NR6A1: variants seen among roughly 807,000 people sequenced by gnomAD.
NR6A1 encodes nuclear receptor subfamily 6 group A member 1.
Under a neutral mutation model 59.1 loss-of-function variants are expected in NR6A1, and 7 were observed. The ratio of observed to expected loss-of-function variants is 0.12; its 90% CI spans 0.07 to 0.22. NR6A1 has a LOEUF of 0.22. NR6A1 is among the 10% of genes least tolerant of loss of function. The probability of loss-of-function intolerance (pLI) is 1.00; values close to 1 mark genes in which losing one functional copy is unlikely to be tolerated. For missense variants in NR6A1, 468 were observed against 611.6 expected (o/e 0.77, Z 2.48); for synonymous variants, 243 against 236.1 (o/e 1.03, Z -0.27).
At chr9:124,548,041 C>T (rs1833652326) in intron 3 of NR6A1, among the ~76,000 whole-genome samples, 1 of 149,136 alleles carries the variant, frequency 6.7e-6, no homozygotes, top group South Asian at 2.1e-4. Context: ...CTATGCCTCA[C>T]TCTCAAATGG....
intron 2 of NR6A1, among the ~76,000 whole-genome samples, chr9:124,643,353 C>T (rs4836984): frequency 0.47 from 71,330 of 151,602 alleles, 17,091 homozygotes; most frequent in Admixed American, 0.59. Flanking sequence ...GTAATCCCAG[C>T]ACTCTGAGAG....
intron 2 of NR6A1, among the ~76,000 whole-genome samples, chr9:124,601,476 C>CG (rs1472827933): frequency 2.1e-5 from 3 of 146,000 alleles, no homozygotes; most frequent in East Asian, 4.1e-4. Context: ...CCCAGCTACT[C>CG]GGGGGGCTGA....
chr9:124,633,791 C>A (rs1836516322), intron 2 of NR6A1, among the ~76,000 whole-genome samples: 1 of 152,240 alleles, frequency 6.6e-6, no homozygotes, highest in Non-Finnish European at 1.5e-5. Context: ...ATTAAAGAAA[C>A]TGCACGCATG....
chr9:124,642,426 CAT>C (rs1026697613), intron 2 of NR6A1, among the ~76,000 whole-genome samples: 3 of 152,198 alleles, frequency 2.0e-5, no homozygotes, highest in Non-Finnish European at 2.9e-5. Context: ...AACAAAATAA[CAT>C]ATGAAATGCT....
At position 124,714,977 on chromosome 9, in the gene NR6A1, T is replaced by A. The variant is rs554862507; in HGVS notation, c.142+18331A>T. ...CACTTTCGGAGGCCGAGGCGGGCAGTTCACAAGGTCAAGAGATCGACACCA... is the reference window on the plus strand; with the variant it reads ...CACTTTCGGAGGCCGAGGCGGGCAGATCACAAGGTCAAGAGATCGACACCA... On this transcript the variant is annotated intron_variant, in intron 2 of 9. Transcript: ENST00000487099. Among the ~76,000 whole-genome samples, 91 of 151,958 alleles carry A rather than the reference T, an allele frequency of 6.0e-4. 1 individual carries two copies. In the South Asian group the frequency reaches 0.018, roughly 30 times the overall value.
intron 2 of NR6A1, among the ~76,000 whole-genome samples, chr9:124,730,555 CTTTTT>C (rs56330244): frequency 8.1e-6 from 1 of 123,142 alleles, no homozygotes; most frequent in Admixed American, 8.5e-5. Flanking sequence ...ATTTTTTAGT[CTTTTT>C]TTTTTTTTTT....
At chr9:124,619,816 C>A (rs182543387) in intron 2 of NR6A1, among the ~76,000 whole-genome samples, 1 of 152,070 alleles carries the variant, frequency 6.6e-6, no homozygotes, top group African/African-American at 2.4e-5. Context: ...AATCCCAGCA[C>A]TTTGGGAGGC....
intron 2 of NR6A1, among the ~76,000 whole-genome samples, chr9:124,589,168 C>G (rs1367402831): frequency 6.6e-6 from 1 of 152,108 alleles, no homozygotes; most frequent in East Asian, 1.9e-4. Flanking sequence ...CAAAAACAGG[C>G]CAGGCCGGTG....
At chr9:124,686,443 T>C (rs1838332160) in intron 2 of NR6A1, among the ~76,000 whole-genome samples, 1 of 152,254 alleles carries the variant, frequency 6.6e-6, no homozygotes, top group Non-Finnish European at 1.5e-5. Context: ...TTTCCATGAA[T>C]ATCACCTACT....
At chr9:124,543,766 C>A in intron 4 of NR6A1, 36 bp downstream of exon 4, 1 of 1,578,782 alleles carries the variant, frequency 6.3e-7, no homozygotes, top group Non-Finnish European at 8.6e-7. Context: ...CCTGGGCTTC[C>A]AGGACGGACC....
intron 2 of NR6A1, among the ~76,000 whole-genome samples, chr9:124,684,080 CCATA>C (rs1166562719): frequency 6.6e-6 from 1 of 152,128 alleles, no homozygotes; most frequent in Non-Finnish European, 1.5e-5. Flanking sequence ...TCGAGTATCG[CCATA>C]CAAATTTAGT....
chr9:124,660,677 A>T (rs888430125), intron 2 of NR6A1, among the ~76,000 whole-genome samples: 1 of 150,780 alleles, frequency 6.6e-6, no homozygotes, highest in Non-Finnish European at 1.5e-5. Flanking sequence ...AAGGCAACAC[A>T]GAGATGCCAT....
At chr9:124,725,914 T>A (rs1476328045) in intron 2 of NR6A1, among the ~76,000 whole-genome samples, 2 of 152,250 alleles carry the variant, frequency 1.3e-5, no homozygotes, top group Non-Finnish European at 2.9e-5. Context: ...GTATAGTGTG[T>A]ATGCCTTGTA....
intron 2 of NR6A1, chr9:124,693,678 G>T (rs762604957): frequency 2.4e-5 from 13 of 532,986 alleles, no homozygotes; most frequent in Admixed American, 1.6e-4. Context: ...GTCAGCCAGG[G>T]AGGGCAAAGG....
intron 9 of NR6A1, among the ~76,000 whole-genome samples, chr9:124,524,406 C>T (rs900393111): frequency 6.6e-6 from 1 of 150,522 alleles, no homozygotes; most frequent in Non-Finnish European, 1.5e-5. Flanking sequence ...ATTTGAGATA[C>T]TCTGAGTCTC....
intron 2 of NR6A1, among the ~76,000 whole-genome samples, chr9:124,637,081 C>T (rs761888801): frequency 6.6e-6 from 1 of 152,130 alleles, no homozygotes; most frequent in Non-Finnish European, 1.5e-5. Flanking sequence ...TGATACATCT[C>T]TCTAGGGGTA....
chr9:124,526,272 T>TTGTGTGTGTG lies in NR6A1; in HGVS notation c.1201+506_1201+507insCACACACACA, dbSNP rs1204703211. Among the ~76,000 whole-genome samples, 14 of 150,174 alleles carry TTGTGTGTGTG rather than the reference T, an allele frequency of 9.3e-5. No homozygotes were observed. In the South Asian group the frequency reaches 3.0e-3, roughly 32 times the overall value. On this transcript the variant is annotated intron_variant, in intron 8 of 9. Coordinates refer to ENST00000487099, the MANE Select transcript of NR6A1 (RefSeq NM_033334.4). ...TCTTTTAATTAAAAGCCATGCTTGA[T>TTGTGTGTGTG]TGTGTGTATGTGTGTATGTGTGTGT...
chr9:124,754,904 A>G (rs1840594722), intron 1 of NR6A1, among the ~76,000 whole-genome samples: 1 of 152,108 alleles, frequency 6.6e-6, no homozygotes, highest in Admixed American at 6.6e-5. Context: ...TGGTGATTCC[A>G]CATCCTTTTA....
intron 2 of NR6A1, among the ~76,000 whole-genome samples, chr9:124,622,817 A>C (rs1410928254): frequency 1.3e-5 from 2 of 152,118 alleles, no homozygotes; most frequent in Non-Finnish European, 2.9e-5. Context: ...GGAGGAATGA[A>C]CTTCTCACAG....
Sources: allele counts gnomAD v4.1 joint callset (sites outside exome capture counted in the v4.1 genomes callset), GRCh38; gene constraint gnomAD v4.1.1; transcripts MANE v1.5; gene names NCBI Gene and HGNC (gene_info 2026-07-23, HGNC 2026-07-21).